Variants in ST8SIA6 observed in about 807,000 individuals in gnomAD.
ST8SIA6 encodes the protein alpha-2,8-sialyltransferase 8F.
Under a neutral mutation model 33.6 loss-of-function variants are expected in ST8SIA6, and 39 were observed. That is an observed-to-expected ratio of 1.16 (90% CI 0.90 to 1.52). The LOEUF (loss-of-function observed/expected upper bound fraction) is 1.52, where lower values mean the gene tolerates loss of function less well. Ranked by LOEUF, ST8SIA6 falls within the 40% of genes most tolerant of loss-of-function variation. ST8SIA6 has a pLI of 0.00. For missense variants in ST8SIA6, 441 were observed against 443.8 expected, an observed-to-expected ratio of 0.99 and a Z score of 0.06; for synonymous variants, 172 against 167.2, an observed-to-expected ratio of 1.03 and a Z score of -0.22.
intron 4 of ST8SIA6, among the ~76,000 whole-genome samples, chr10:17,354,193 T>C (rs998709373): frequency 6.6e-6 from 1 of 152,108 alleles, no homozygotes; most frequent in Non-Finnish European, 1.5e-5. Flanking sequence ...GCAGAAGAAC[T>C]GGGGAAGGAG....
chr10:17,333,694 TATATATATATATATATATATA>T lies in ST8SIA6; in HGVS notation c.378-2163_378-2143del, dbSNP rs1187876429. On this transcript the variant is annotated intron_variant, in intron 4 of 7. Coordinates refer to ENST00000377602, the MANE Select transcript of ST8SIA6 (RefSeq NM_001004470.3). ...TGGGATATATATATATATATATATATATATATATATATATATATATATATTTTTTTTTTTTTTTTTTTTTTT... is the reference window on the plus strand; with the variant it reads ...TGGGATATATATATATATATATATATTATTTTTTTTTTTTTTTTTTTTTTT... Among the ~76,000 whole-genome samples the T allele has an allele frequency of 3.8e-3, 98 of 25,750 alleles. 3 individuals are homozygous for T. The highest frequency in any genetic ancestry group is 0.022 in the East Asian group (6 of 270). The allele number at this position is 25,750 out of a possible 152,430, so 16.9% of individuals were successfully genotyped here. A position where few individuals can be genotyped will look rare whatever the true frequency, so the allele number is the denominator to read the frequency against.
At chr10:17,331,601 C>G in intron 4 of ST8SIA6, 49 bp from the exon 5 acceptor site, 2 of 1,557,738 alleles carry the variant, frequency 1.3e-6, no homozygotes, top group Non-Finnish European at 1.7e-6. Flanking sequence ...GATTAAGAAA[C>G]CGAAAATGCA....
chr10:17,322,426 CG>C (rs748292224), intron 7 of ST8SIA6, among the ~76,000 whole-genome samples: 4 of 151,990 alleles, frequency 2.6e-5, no homozygotes, highest in Non-Finnish European at 5.9e-5. Flanking sequence ...TAAGTATAAT[CG>C]TGAGTGTTTA....
At chr10:17,451,322 A>C (rs1339633397) in intron 2 of ST8SIA6, among the ~76,000 whole-genome samples, 1 of 152,226 alleles carries the variant, frequency 6.6e-6, no homozygotes, top group Non-Finnish European at 1.5e-5. Flanking sequence ...AATAACTCAG[A>C]AAGTCAAATA....
In ST8SIA6 at chr10:17,403,113, C is replaced by T. The variant is rs115411998; in HGVS notation, c.201-12493G>A. Among the ~76,000 whole-genome samples, 1,179 of 152,194 alleles carry T rather than the reference C, an allele frequency of 7.7e-3. 8 individuals are homozygous for T. Among genetic ancestry groups the T allele is most frequent in the African/African-American group, 0.027 (1,121 of 41,516 alleles). On this transcript the variant is annotated intron_variant, in intron 2 of 7. Coordinates refer to ENST00000377602, the MANE Select transcript of ST8SIA6 (RefSeq NM_001004470.3). ...CTTCTGAATTTCAGTCTCCCTCCAC[C>T]CCACAGATTACCCCAAACAGGGAAA...
chr10:17,369,993 C>CTTT (rs34231362), intron 3 of ST8SIA6, among the ~76,000 whole-genome samples: 1 of 142,464 alleles, frequency 7.0e-6, no homozygotes, highest in African/African-American at 2.6e-5. Context: ...CAATCACTGA[C>CTTT]TTTTTTTTTT....
chr10:17,414,993 A>C (rs916551430), intron 2 of ST8SIA6, among the ~76,000 whole-genome samples: 4 of 151,502 alleles, frequency 2.6e-5, no homozygotes, highest in African/African-American at 9.7e-5. Flanking sequence ...AACATTACTG[A>C]CCCCCTCATC....
intron 2 of ST8SIA6, chr10:17,407,958 T>C (rs1306780110): frequency 6.6e-6 from 1 of 152,664 alleles, no homozygotes; most frequent in African/African-American, 2.4e-5. Context: ...GTTCTGTTTT[T>C]AATTTTCAGA....
intron 3 of ST8SIA6, among the ~76,000 whole-genome samples, chr10:17,384,941 T>C (rs1850279693): frequency 1.3e-5 from 2 of 152,160 alleles, no homozygotes; most frequent in Non-Finnish European, 2.9e-5. Flanking sequence ...GACCTACCCA[T>C]CTAGGAGTAA....
chr10:17,407,733 C>G (rs1851318529), intron 2 of ST8SIA6, among the ~76,000 whole-genome samples: 1 of 152,206 alleles, frequency 6.6e-6, no homozygotes, highest in African/African-American at 2.4e-5. Flanking sequence ...GCCAGTCCCA[C>G]TGGACTAAGG....
chr10:17,383,365 G>A (rs1352863245), intron 3 of ST8SIA6, among the ~76,000 whole-genome samples: 1 of 152,124 alleles, frequency 6.6e-6, no homozygotes, highest in Non-Finnish European at 1.5e-5. Context: ...AGGAAGCATT[G>A]TCAAATATAA....
chr10:17,380,529 G>A (rs1850093825), intron 3 of ST8SIA6, among the ~76,000 whole-genome samples: 1 of 152,022 alleles, frequency 6.6e-6, no homozygotes, highest in Non-Finnish European at 1.5e-5. Flanking sequence ...GGAAAAAAAA[G>A]ATTTTTAATT....
At chr10:17,365,678 T>G (rs953136980) in intron 3 of ST8SIA6, among the ~76,000 whole-genome samples, 1 of 152,218 alleles carries the variant, frequency 6.6e-6, no homozygotes, top group Admixed American at 6.5e-5. Flanking sequence ...CTGCATTATC[T>G]GTGGATTCAG....
At chr10:17,382,028 C>T (rs982678197) in intron 3 of ST8SIA6, among the ~76,000 whole-genome samples, 2 of 152,048 alleles carry the variant, frequency 1.3e-5, no homozygotes, top group African/African-American at 2.4e-5. Context: ...AATTTTTTCA[C>T]GGTCTCAGTT....
At chr10:17,398,454 T>C (rs529517654) in intron 2 of ST8SIA6, among the ~76,000 whole-genome samples, 11 of 152,136 alleles carry the variant, frequency 7.2e-5, no homozygotes, top group African/African-American at 2.7e-4. Flanking sequence ...CTCTAAAACA[T>C]AGAATTAATG....
chr10:17,408,764 AT>A (rs1307551192), intron 2 of ST8SIA6, among the ~76,000 whole-genome samples: 1 of 151,322 alleles, frequency 6.6e-6, no homozygotes, highest in South Asian at 2.1e-4. Context: ...TTATTTATTT[AT>A]TTTTTTTGAG....
intron 2 of ST8SIA6, among the ~76,000 whole-genome samples, chr10:17,448,032 C>T (rs1373440260): frequency 6.6e-6 from 1 of 152,058 alleles, no homozygotes; most frequent in African/African-American, 2.4e-5. Context: ...AACTCCTGAC[C>T]TCAAGTGATC....
At chr10:17,405,742 C>T (rs557565967) in intron 2 of ST8SIA6, among the ~76,000 whole-genome samples, 13 of 151,672 alleles carry the variant, frequency 8.6e-5, no homozygotes, top group Non-Finnish European at 1.2e-4. Flanking sequence ...CTTAGCCGGG[C>T]GTGGTAGTGG....
In ST8SIA6 at chr10:17,319,232, G is replaced by A. The variant is rs762382244; in HGVS notation, c.*1646C>T. Among the ~76,000 whole-genome samples, 2 of 152,200 alleles carry A rather than the reference G, an allele frequency of 1.3e-5. No homozygotes were observed. The highest frequency in any genetic ancestry group is 2.9e-5 in the Non-Finnish European group (2 of 68,040). ...CATGCGTCACAGTTCTTGTCGCTCT[G>A]TAATGGTGAGTTACTGCAAGTTTTT... On this transcript the variant is annotated 3_prime_UTR_variant, in exon 8 of 8. Coordinates refer to ENST00000377602, the MANE Select transcript of ST8SIA6 (RefSeq NM_001004470.3).
Sources: allele counts gnomAD v4.1 joint callset (sites outside exome capture counted in the v4.1 genomes callset), GRCh38; gene constraint gnomAD v4.1.1; transcripts MANE v1.5; gene names NCBI Gene and HGNC (gene_info 2026-07-23, HGNC 2026-07-21).